Variants in MME observed in about 807,000 individuals in gnomAD.
MME encodes the protein membrane metalloendopeptidase, also known as neprilysin.
A neutral mutation model predicts 113.2 loss-of-function variants in MME; 98 were observed. The ratio of observed to expected loss-of-function variants is 0.87; its 90% confidence interval spans 0.74 to 1.02. The LOEUF (loss-of-function observed/expected upper bound fraction) is 1.02. Among genes scored for constraint, MME ranks in the 50% least tolerant of loss-of-function variants. MME has a pLI of 0.00. For synonymous variants in MME, 292 were observed against 300.6 expected (o/e 0.97, Z 0.30); for missense variants, 836 against 896.0 (o/e 0.93, Z 0.86).
In MME at chr3:155,067,300, C is replaced by CTTTTT. The variant is rs576443367; in HGVS notation, c.-10-16836_-10-16832dup. Reference sequence around the variant, plus strand: ...GATTTAGCTTTTGCAATTTATTTTCCTTTTTTTTTTTTTTTTTTTTTTTTT... The same window carrying CTTTTT: ...GATTTAGCTTTTGCAATTTATTTTCCTTTTTTTTTTTTTTTTTTTTTTTTTTTTTT... On this transcript the variant is annotated intron_variant, in intron 1 of 22. Coordinates refer to the MME transcript ENST00000492661. Among the ~76,000 whole-genome samples, 18 of 92,068 alleles carry CTTTTT rather than the reference C, an allele frequency of 2.0e-4. 1 individual carries two copies. Among genetic ancestry groups the CTTTTT allele is most frequent in the Non-Finnish European group, 3.1e-4 (14 of 45,284 alleles). 60.4% of individuals were successfully genotyped at this position (92,068 alleles called of 152,430 possible). A position where few individuals can be genotyped will look rare whatever the true frequency, so the allele number is the denominator to read the frequency against.
chr3:155,084,105 ATTTTCT>A (rs1274599597), intron 1 of MME, 47 bp from the exon 2 acceptor site: 3 of 1,401,476 alleles, frequency 2.1e-6, no homozygotes. Context: ...GCATTTGGAC[ATTTTCT>A]TTTTTATTTA....
chr3:155,175,120 A>G (rs976788565), intron 22 of MME, among the ~76,000 whole-genome samples: 3 of 152,042 alleles, frequency 2.0e-5, no homozygotes, highest in African/African-American at 7.2e-5. Flanking sequence ...TGAAAAAAAA[A>G]GCCTAACCTT....
chr3:155,030,288 T>C (rs1009107709), intron 1 of MME, among the ~76,000 whole-genome samples: 1 of 152,206 alleles, frequency 6.6e-6, no homozygotes, highest in Admixed American at 6.5e-5. Flanking sequence ...ATGGAGATTT[T>C]CTTTGTAAGT....
chr3:155,148,602 T>C lies in MME; in HGVS notation c.1550T>C (p.Phe517Ser). ...YFENIIQNLK[F>S]SQSKQLKKLR... ...GAGAACATAATTCAAAATTTGAAAT[T>C]CAGCCAAAGTAAACAACTGAAGAAG... is the stretch of plus-strand genomic sequence containing the variant. Residue 517 changes from phenylalanine (F) to serine (S), a missense_variant, in exon 16 of 23, where the codon TTC (phenylalanine) becomes TCC (serine). By Grantham distance (155) the Phe-to-Ser change is radical. Transcript: ENST00000360490. 6.2e-7 allele frequency: 1 copy of C among 1,612,968 alleles called. No homozygotes were observed. The highest frequency in any genetic ancestry group is 8.5e-7 in the Non-Finnish European group (1 of 1,179,244).
intron 22 of MME, among the ~76,000 whole-genome samples, chr3:155,179,771 A>AT (rs1159587037): frequency 1.3e-5 from 2 of 152,138 alleles, no homozygotes; most frequent in East Asian, 3.8e-4. Flanking sequence ...GGAAAATGGC[A>AT]TTTTGCCAGC....
chr3:155,134,957 G>A (rs183604715), intron 8 of MME, among the ~76,000 whole-genome samples: 46 of 152,120 alleles, frequency 3.0e-4, no homozygotes, highest in African/African-American at 9.6e-4. Context: ...GTCTGTTCCT[G>A]TCTTTTCCTA....
chr3:155,069,902 T>A (rs1714498622), intron 1 of MME, among the ~76,000 whole-genome samples: 1 of 152,150 alleles, frequency 6.6e-6, no homozygotes, highest in African/African-American at 2.4e-5. Flanking sequence ...AAGGACCTTA[T>A]TGAGAACTGC....
intron 1 of MME, among the ~76,000 whole-genome samples, chr3:155,043,229 T>G (rs1713420991): frequency 6.6e-6 from 1 of 151,540 alleles, no homozygotes; most frequent in Non-Finnish European, 1.5e-5. Flanking sequence ...ATTTTTGATA[T>G]AGCCAGATAT....
intron 3 of MME, among the ~76,000 whole-genome samples, chr3:155,094,644 T>C (rs2108200518): frequency 6.6e-6 from 1 of 152,340 alleles, no homozygotes; most frequent in Middle Eastern, 3.4e-3. Context: ...GAACAACATT[T>C]GATTTGATTG....
At chr3:155,082,670 G>A (rs2108161733) in intron 1 of MME, among the ~76,000 whole-genome samples, 1 of 152,216 alleles carries the variant, frequency 6.6e-6, no homozygotes, top group East Asian at 1.9e-4. Context: ...ATTTTTATTT[G>A]ATAGTCTGTC....
chr3:155,038,243 A>T (rs897026600), intron 1 of MME, among the ~76,000 whole-genome samples: 3 of 152,116 alleles, frequency 2.0e-5, no homozygotes, highest in African/African-American at 4.8e-5. Flanking sequence ...AAGGTTTTGG[A>T]CAAACATATT....
chr3:155,114,604 G>C (rs537595845), intron 3 of MME, among the ~76,000 whole-genome samples: 10 of 152,302 alleles, frequency 6.6e-5, no homozygotes, highest in African/African-American at 1.9e-4. Context: ...ACTTTGAAGA[G>C]CAGAGTTGGC....
intron 1 of MME, 122 bp from the exon 2 acceptor site, chr3:155,084,036 C>G (rs569202340): frequency 1.3e-3 from 1,257 of 981,324 alleles, no homozygotes; most frequent in Admixed American, 4.9e-3. Context: ...TTCTCAACAG[C>G]AAAAATGTAT....
intron 8 of MME, among the ~76,000 whole-genome samples, chr3:155,131,872 G>A (rs1377389072): frequency 6.6e-6 from 1 of 152,160 alleles, no homozygotes; most frequent in Admixed American, 6.5e-5. Flanking sequence ...ATTGAGAAAT[G>A]TTTCTAAGCT....
intron 14 of MME, among the ~76,000 whole-genome samples, chr3:155,146,231 G>A (rs1721491688): frequency 6.6e-6 from 1 of 152,064 alleles, no homozygotes; most frequent in Non-Finnish European, 1.5e-5. Context: ...AACTTTAGAA[G>A]TAGTGATAAA....
At chr3:155,148,528 C>T in intron 15 of MME, 22 bp from the exon 16 acceptor site, 1 of 1,518,094 alleles carries the variant, frequency 6.6e-7, no homozygotes, top group Non-Finnish European at 9.1e-7. Context: ...ATATTTCTTC[C>T]CAAATCTTCT....
Position 155,183,493 on chromosome 3 carries a change from C to T in MME, c.*3034C>T, listed in dbSNP as rs1320309762. 1 of 152,152 alleles carries T rather than the reference C, an allele frequency of 6.6e-6. No homozygotes were observed. The highest frequency in any genetic ancestry group is 2.4e-5 in the African/African-American group (1 of 41,434). The allele number at this position is 152,152 out of a possible 1,614,324, so 9.4% of individuals were successfully genotyped here. On this transcript the variant is annotated 3_prime_UTR_variant, in exon 23 of 23. Transcript: ENST00000360490. ...TTTTATCAAGTTTGGGTCTGTGCTGCTGTTACTGTTAACCATTTAAGTGGG... is the reference window on the plus strand; with the variant it reads ...TTTTATCAAGTTTGGGTCTGTGCTGTTGTTACTGTTAACCATTTAAGTGGG...
intron 1 of MME, among the ~76,000 whole-genome samples, chr3:155,047,692 T>C (rs1181700362): frequency 6.6e-6 from 1 of 152,218 alleles, no homozygotes; most frequent in African/African-American, 2.4e-5. Flanking sequence ...GAGTTCATTG[T>C]CTTTTCTCCT....
chr3:155,040,278 C>T (rs1379367491), intron 1 of MME, among the ~76,000 whole-genome samples: 1 of 152,062 alleles, frequency 6.6e-6, no homozygotes, highest in Admixed American at 6.6e-5. Flanking sequence ...CATCTCTGGC[C>T]GCTACCTACT....
Sources: gnomAD v4.1 joint callset for allele counts (sites outside exome capture counted in the v4.1 genomes callset) on GRCh38, gnomAD v4.1.1 for gene constraint, MANE v1.5 for transcripts, NCBI Gene and HGNC (gene_info 2026-07-23, HGNC 2026-07-21) for gene names.